Variants in SPAST observed in about 807,000 individuals in gnomAD.
SPAST encodes spastin.
SPAST carries 30 observed loss-of-function variants against 76.6 expected under a neutral mutation model. The ratio of observed to expected loss-of-function variants is 0.39; its 90% CI spans 0.29 to 0.53. SPAST has a LOEUF of 0.53. Among genes scored for constraint, SPAST ranks in the 20% least tolerant of loss-of-function variants. SPAST has a pLI of 0.68. For synonymous variants in SPAST, 305 were observed against 281.0 expected (o/e 1.09, Z -0.86); for missense variants, 717 against 770.5 (o/e 0.93, Z 0.82).
At chr2:32,084,223 G>A (rs1421649215) in intron 1 of SPAST, among the ~76,000 whole-genome samples, 1 of 151,304 alleles carries the variant, frequency 6.6e-6, no homozygotes, top group Non-Finnish European at 1.5e-5. Context: ...CCAGGCTGGC[G>A]TGCAGTGGCT....
intron 7 of SPAST, among the ~76,000 whole-genome samples, chr2:32,123,459 A>G (rs1293165121): frequency 6.6e-6 from 1 of 152,188 alleles, no homozygotes; most frequent in Non-Finnish European, 1.5e-5. Flanking sequence ...AGTTCTTCCC[A>G]AGTTCATATA....
In SPAST at chr2:32,064,212, C is replaced by G. The variant is rs1407788328; in HGVS notation, c.381C>G (p.Ile127Met). The stretch of plus-strand genomic sequence containing the variant: ...TCCACAAACAGGCCTTCGAGTACAT[C>G]TCCATTGCCCTGCGCATCGATGAGG... ...RVFHKQAFEY[I>M]SIALRIDEDE... Residue 127 changes from isoleucine (I) to methionine (M), a missense_variant, in exon 1 of 17, where the codon ATC (isoleucine) becomes ATG (methionine). Ile to Met is a conservative substitution (Grantham distance 10). Coordinates refer to ENST00000315285, the MANE Select transcript of SPAST (RefSeq NM_014946.4). The G allele has an allele frequency of 1.9e-6, 3 of 1,552,392 alleles. No individual in the cohort carries two copies. The highest frequency in any genetic ancestry group is 2.7e-5 in the African/African-American group (2 of 73,298).
intron 16 of SPAST, among the ~76,000 whole-genome samples, chr2:32,151,194 C>T (rs545415129): frequency 1.6e-4 from 24 of 152,094 alleles, no homozygotes; most frequent in African/African-American, 5.1e-4. Context: ...CCGCCCACCT[C>T]GGCCTCCCAA....
intron 1 of SPAST, among the ~76,000 whole-genome samples, chr2:32,065,808 C>T (rs998664597): frequency 6.6e-6 from 1 of 152,082 alleles, no homozygotes; most frequent in Admixed American, 6.6e-5. Context: ...AAACCTGTTT[C>T]CTTTGTGGGG....
At chr2:32,074,517 T>C (rs1281805092) in intron 1 of SPAST, among the ~76,000 whole-genome samples, 2 of 152,050 alleles carry the variant, frequency 1.3e-5, no homozygotes, top group African/African-American at 4.8e-5. Context: ...TTTGTTGTTT[T>C]TTTTTTAAAA....
intron 4 of SPAST, among the ~76,000 whole-genome samples, chr2:32,105,946 T>C (rs1475189280): frequency 6.6e-6 from 1 of 152,172 alleles, no homozygotes; most frequent in Non-Finnish European, 1.5e-5. Context: ...CGTTCGCCGA[T>C]CTCAAACTCC....
At chr2:32,074,146 T>C (rs1359440831) in intron 1 of SPAST, among the ~76,000 whole-genome samples, 1 of 152,172 alleles carries the variant, frequency 6.6e-6, no homozygotes, top group Non-Finnish European at 1.5e-5. Flanking sequence ...AGAAGCAGGG[T>C]TTTGCTCTGA....
intron 1 of SPAST, among the ~76,000 whole-genome samples, chr2:32,073,298 G>A (rs1676824707): frequency 6.6e-6 from 1 of 152,116 alleles, no homozygotes; most frequent in East Asian, 1.9e-4. Context: ...CCCTCAAAGT[G>A]TTAGGATTAC....
intron 1 of SPAST, among the ~76,000 whole-genome samples, chr2:32,065,314 G>A (rs1185623884): frequency 6.6e-6 from 1 of 152,056 alleles, no homozygotes; most frequent in Non-Finnish European, 1.5e-5. Context: ...CACCGCGCCT[G>A]GCCTTAAGCT....
At chr2:32,149,678 T>C (rs1045146098) in intron 16 of SPAST, among the ~76,000 whole-genome samples, 1 of 152,208 alleles carries the variant, frequency 6.6e-6, no homozygotes, top group African/African-American at 2.4e-5. Flanking sequence ...CTAAACAATA[T>C]AGTATAAAAA....
chr2:32,151,446 G>A (rs1336167042), intron 16 of SPAST, among the ~76,000 whole-genome samples: 1 of 152,096 alleles, frequency 6.6e-6, no homozygotes, highest in African/African-American at 2.4e-5. Flanking sequence ...TTTTATTATA[G>A]AGATTAAGGT....
Position 32,063,909 on chromosome 2 carries a change from C to A in SPAST, c.78C>A (p.Pro26=), listed in dbSNP as rs572109743. 3 of 1,585,216 alleles carry A rather than the reference C, an allele frequency of 1.9e-6. No individual in the cohort carries two copies. Among genetic ancestry groups the A allele is most frequent in the Middle Eastern group, 2.0e-4 (1 of 4,994 alleles). Residue 26 remains proline (P), a synonymous_variant, in exon 1 of 17, where the codon CCC becomes CCA. Transcript: ENST00000315285. ...ASNPVPPRPP[P]PCLAPAPPAA... is the part of the protein sequence containing the mutation. Reference sequence around the variant, plus strand: ...ACCCGGTGCCTCCCAGGCCTCCGCCCCCTTGCCTGGCCCCCGCCCCTCCCG... The same window carrying A: ...ACCCGGTGCCTCCCAGGCCTCCGCCACCTTGCCTGGCCCCCGCCCCTCCCG...
chr2:32,115,958 A>T, intron 6 of SPAST, 123 bp downstream of exon 6: 3 of 955,512 alleles, frequency 3.1e-6, no homozygotes, highest in Non-Finnish European at 4.8e-6. Flanking sequence ...AATTTTTATG[A>T]TAGTTTTCAA....
chr2:32,102,430 G>T (rs540846428), intron 4 of SPAST, among the ~76,000 whole-genome samples: 75 of 152,250 alleles, frequency 4.9e-4, no homozygotes, highest in African/African-American at 1.7e-3. Flanking sequence ...GGGACAATTT[G>T]ACTTTCTTTT....
intron 1 of SPAST, among the ~76,000 whole-genome samples, chr2:32,070,127 G>T (rs1396760514): frequency 6.7e-6 from 1 of 149,676 alleles, no homozygotes; most frequent in African/African-American, 2.5e-5. Context: ...GTGCAGTGGC[G>T]CAATCTCGGT....
At chr2:32,083,134 G>C (rs1414586759) in intron 1 of SPAST, among the ~76,000 whole-genome samples, 2 of 152,058 alleles carry the variant, frequency 1.3e-5, no homozygotes, top group African/African-American at 4.8e-5. Context: ...ACCACAACCA[G>C]CTAATTTTTG....
At chr2:32,079,663 G>A (rs1156451825) in intron 1 of SPAST, among the ~76,000 whole-genome samples, 1 of 142,974 alleles carries the variant, frequency 7.0e-6, no homozygotes, top group Admixed American at 7.2e-5. Flanking sequence ...GACTCAAGCA[G>A]TCCTACCACC....
At chr2:32,106,484 T>C (rs927106880) in intron 4 of SPAST, among the ~76,000 whole-genome samples, 5 of 152,212 alleles carry the variant, frequency 3.3e-5, no homozygotes, top group African/African-American at 1.2e-4. Flanking sequence ...CCCAGTGAGA[T>C]GAACCCAGTT....
intron 9 of SPAST, among the ~76,000 whole-genome samples, chr2:32,132,229 G>C (rs572642829): frequency 6.6e-6 from 1 of 152,024 alleles, no homozygotes; most frequent in East Asian, 2.0e-4. Context: ...GTCTCTACCA[G>C]AAATACAAAA....
Sources: allele counts gnomAD v4.1 joint callset (sites outside exome capture counted in the v4.1 genomes callset), GRCh38; gene constraint gnomAD v4.1.1; transcripts MANE v1.5; gene names NCBI Gene and HGNC (gene_info 2026-07-23, HGNC 2026-07-21).